The following COG7 variants were observed in gnomAD, a reference collection of about 807,000 sequenced individuals.
The protein encoded by COG7 is conserved oligomeric Golgi complex subunit 7.
COG7 carries 49 observed loss-of-function variants against 91.5 expected under a neutral mutation model. That is an observed-to-expected ratio of 0.54 (90% CI 0.43 to 0.68). The LOEUF (loss-of-function observed/expected upper bound fraction) is 0.68. Among genes scored for constraint, COG7 ranks in the 30% least tolerant of loss-of-function variants. COG7 has a pLI of 0.00. For synonymous variants in COG7, 365 were observed against 388.7 expected (o/e 0.94, Z 0.72); for missense variants, 895 against 961.3 (o/e 0.93, Z 0.91).
intron 7 of COG7, among the ~76,000 whole-genome samples, chr16:23,421,635 G>A (rs1963757450): frequency 6.6e-6 from 1 of 151,692 alleles, no homozygotes; most frequent in Non-Finnish European, 1.5e-5. Context: ...TAAGAACCTG[G>A]CAATGACAGG....
chr16:23,413,553 T>C lies in COG7; in HGVS notation c.1304A>G (p.Asp435Gly), dbSNP rs1347065750. The C allele has an allele frequency of 1.9e-6, 3 of 1,589,938 alleles. No homozygotes were observed. The highest frequency in any genetic ancestry group is 1.7e-6 in the Non-Finnish European group (2 of 1,158,230). ...LKSLFAKYVSDFTSTLQSIRK... is the reference protein window; with the variant it reads ...LKSLFAKYVSGFTSTLQSIRK... ...TATGGACTGGAGAGTGCTGGTGAAA[T>C]CAGACACATACCTGCCGGGAAAGGG... The change falls in exon 10 of 17, where the codon GAT (aspartate) becomes GGT (glycine). Residue 435 changes from aspartate (D) to glycine (G), a missense_variant. Asp to Gly is a moderately conservative substitution (Grantham distance 94). Coordinates refer to ENST00000307149, the MANE Select transcript of COG7 (RefSeq NM_153603.4).
intron 4 of COG7, chr16:23,442,064 G>A (rs1398686063): frequency 1.1e-5 from 2 of 183,946 alleles, no homozygotes; most frequent in Non-Finnish European, 2.3e-5. Flanking sequence ...CGGGCGCGGT[G>A]GCTCATGTCT....
At position 23,403,966 on chromosome 16, in the gene COG7, C is replaced by T. The variant is rs963720067; in HGVS notation, c.1663-132G>A. 5.0e-6 allele frequency: 5 copies of T among 996,970 alleles called. No individual in the cohort carries two copies. The South Asian group carries it at 5.6e-5, about 11-fold the overall frequency. 61.8% of individuals were successfully genotyped at this position (996,970 alleles called of 1,614,324 possible). A position where few individuals can be genotyped will look rare whatever the true frequency, so the allele number is the denominator to read the frequency against. ...ATAGTGGTTCCCAAACCTGGCTGTG[C>T]CCCAGGCCCCTCTGGAGAACATGCT... is the stretch of plus-strand genomic sequence containing the variant. On this transcript the variant is annotated intron_variant, in intron 12 of 16. Transcript: ENST00000307149.
Position 23,410,300 on chromosome 16 carries a change from G to A in COG7, c.1470C>T (p.Ala490=). 6 of 1,613,840 alleles carry A rather than the reference G, an allele frequency of 3.7e-6. No individual in the cohort carries two copies. Among genetic ancestry groups the A allele is most frequent in the Non-Finnish European group, 5.1e-6 (6 of 1,179,826 alleles). The change falls in exon 11 of 17, where the codon GCC becomes GCT. Residue 490 remains alanine (A), a synonymous_variant. Transcript: ENST00000307149. ...RHCGDFEQQL[A]NRILSTAGKY... ...CAATGACTCCTCTCTCCTACCTGTT[G>A]GCTAGCTGCTGCTCGAAGTCCCCAC...
chr16:23,413,213 C>T (rs1477941183), intron 10 of COG7: 1 of 463,856 alleles, frequency 2.2e-6, no homozygotes, highest in Non-Finnish European at 3.9e-6. Context: ...GGAGATGAGG[C>T]ATTTGTAAAG....
At chr16:23,418,870 C>G (rs1406539566) in intron 7 of COG7, 43 bp from the exon 8 acceptor site, 8 of 1,585,486 alleles carry the variant, frequency 5.0e-6, no homozygotes, top group Non-Finnish European at 6.9e-6. Flanking sequence ...AACAAAGAAT[C>G]TGAAATTAAC....
At chr16:23,395,846 C>T (rs1963277182) in intron 14 of COG7, among the ~76,000 whole-genome samples, 1 of 152,242 alleles carries the variant, frequency 6.6e-6, no homozygotes, top group Non-Finnish European at 1.5e-5. Flanking sequence ...TGAGGTCAGA[C>T]AGACTTGGGT....
At chr16:23,448,487 A>C (rs1162245479) in intron 1 of COG7, among the ~76,000 whole-genome samples, 1 of 152,136 alleles carries the variant, frequency 6.6e-6, no homozygotes, top group Non-Finnish European at 1.5e-5. Context: ...TTGTAGAGAT[A>C]GGGTCTTGCT....
chr16:23,416,899 G>A (rs749313216), intron 9 of COG7, 68 bp downstream of exon 9: 18 of 1,574,690 alleles, frequency 1.1e-5, no homozygotes, highest in African/African-American at 9.4e-5. Context: ...TACAGAACAC[G>A]TGCATTTTTA....
intron 4 of COG7, 23 bp downstream of exon 4, chr16:23,442,454 G>A (rs1478753528): frequency 6.2e-7 from 1 of 1,611,526 alleles, no homozygotes; most frequent in East Asian, 2.2e-5. Context: ...TATACACAGA[G>A]ATGAGAAGCA....
At chr16:23,394,059 A>G (rs1425524440) in intron 14 of COG7, among the ~76,000 whole-genome samples, 3 of 95,892 alleles carry the variant, frequency 3.1e-5, no homozygotes, top group East Asian at 3.9e-4. Context: ...CTGTCTCAGA[A>G]AAAAAAAAAA....
At position 23,445,889 on chromosome 16, in the gene COG7, G is replaced by A. The variant is rs1388191535; in HGVS notation, c.242C>T (p.Ser81Phe). 2 of 1,609,646 alleles carry A rather than the reference G, an allele frequency of 1.2e-6. 1 individual carries two copies. The highest frequency in any genetic ancestry group is 3.3e-4 in the Middle Eastern group (2 of 6,028). ...RDVEALKQEA[S>F]FLKEQMILVK... The stretch of plus-strand genomic sequence containing the variant: ...AAGAATCATCTGTTCTTTCAGGAAA[G>A]ATGCCTCCTGTTTTAGGGCTTCAAC... Residue 81 changes from serine to phenylalanine, a missense_variant, in exon 2 of 17, where the codon TCT becomes TTT. Coordinates refer to ENST00000307149, the MANE Select transcript of COG7 (RefSeq NM_153603.4).
In COG7 at chr16:23,430,771, C is replaced by A. The variant is rs932952531; in HGVS notation, c.810+2774G>T. On this transcript the variant is annotated intron_variant, in intron 6 of 16. Transcript: ENST00000307149. ...AGCCAGGCTGGTCTCGAACTCCTGA[C>A]CTCAGGTGATGTTCCTGCCTCGGCC... Among the ~76,000 whole-genome samples the A allele has an allele frequency of 2.6e-5, 4 of 151,944 alleles. No homozygotes were observed. The South Asian group carries it at 8.3e-4, about 32-fold the overall frequency.
At chr16:23,426,378 G>A (rs930656795) in intron 6 of COG7, among the ~76,000 whole-genome samples, 43 of 152,026 alleles carry the variant, frequency 2.8e-4, no homozygotes, top group Non-Finnish European at 5.7e-4. Flanking sequence ...TGTGAGAATG[G>A]TTAAACTAAA....
chr16:23,390,851 G>T (rs765220703), intron 16 of COG7, among the ~76,000 whole-genome samples: 5 of 152,230 alleles, frequency 3.3e-5, no homozygotes, highest in African/African-American at 1.2e-4. Context: ...CGCCAGGCAC[G>T]TACTTACTCC....
At chr16:23,422,676 T>C (rs940194767) in intron 7 of COG7, among the ~76,000 whole-genome samples, 1 of 152,054 alleles carries the variant, frequency 6.6e-6, no homozygotes, top group African/African-American at 2.4e-5. Flanking sequence ...CTTTTTATTT[T>C]TGTGTGTGTT....
chr16:23,418,968 A>G lies in COG7; in HGVS notation c.1010-141T>C, dbSNP rs1963704715. 4.0e-6 allele frequency: 3 copies of G among 751,984 alleles called. 1 individual carries two copies. Among genetic ancestry groups the G allele is most frequent in the South Asian group, 1.5e-5 (1 of 65,778 alleles). 46.6% of individuals were successfully genotyped at this position (751,984 alleles called of 1,614,324 possible). ...GACTATATTTTGTTAAGCAGCTTTTATCATTCATGGAAGCTTCTCCTACAA... is the reference window on the plus strand; with the variant it reads ...GACTATATTTTGTTAAGCAGCTTTTGTCATTCATGGAAGCTTCTCCTACAA... On this transcript the variant is annotated intron_variant, in intron 7 of 16. Transcript: ENST00000307149.
At position 23,445,921 on chromosome 16, in the gene COG7, G is replaced by T; in HGVS notation, c.210C>A (p.Leu70=). 1.2e-6 allele frequency: 2 copies of T among 1,613,096 alleles called. No individual in the cohort carries two copies. The highest frequency in any genetic ancestry group is 1.7e-6 in the Non-Finnish European group (2 of 1,179,838). Residue 70 remains leucine (L), a synonymous_variant, in exon 2 of 17, where the codon CTC becomes CTA. Transcript: ENST00000307149. The part of the protein sequence containing the change: ...HQALQNMPKV[L]RDVEALKQEA... ...CCTGTTTTAGGGCTTCAACATCACGGAGCACTTTGGGCATGTTCTGGAGAG... is the reference window on the plus strand; with the variant it reads ...CCTGTTTTAGGGCTTCAACATCACGTAGCACTTTGGGCATGTTCTGGAGAG...
In COG7 at chr16:23,437,326, C is replaced by G. The variant is rs114338767; in HGVS notation, c.605-2608G>C. 2.2e-4 allele frequency among the ~76,000 whole-genome samples: 33 copies of G among 152,224 alleles called. 1 individual carries two copies. The highest frequency in any genetic ancestry group is 7.9e-4 in the African/African-American group (33 of 41,546). ...AAGCTTAAATGCATGGAGCCACCAC[C>G]TCTCCATCCCCACTCCCACTCCCCC... On this transcript the variant is annotated intron_variant, in intron 4 of 16. Coordinates refer to ENST00000307149, the MANE Select transcript of COG7 (RefSeq NM_153603.4).
Sources: allele counts gnomAD v4.1 joint callset (sites outside exome capture counted in the v4.1 genomes callset), GRCh38; gene constraint gnomAD v4.1.1; transcripts MANE v1.5; gene names NCBI Gene and HGNC (gene_info 2026-07-23, HGNC 2026-07-21).